Variants in RORA observed in about 807,000 individuals in gnomAD.
The protein encoded by RORA is RAR related orphan receptor A, also known as nuclear receptor ROR-alpha.
Under a neutral mutation model 69.5 loss-of-function variants are expected in RORA, and 7 were observed. The observed-to-expected ratio is 0.10, with a 90% CI of 0.06 to 0.19. The LOEUF is 0.19. Among genes scored for constraint, RORA ranks in the 10% least tolerant of loss-of-function variants. The probability of loss-of-function intolerance (pLI) is 1.00; values close to 1 mark genes in which losing one functional copy is unlikely to be tolerated. For synonymous variants in RORA, 261 were observed against 240.8 expected, an observed-to-expected ratio of 1.08 and a Z score of -0.78; for missense variants, 457 against 663.0, an observed-to-expected ratio of 0.69 and a Z score of 3.41.
chr15:60,826,741 C>CTG (rs2072964670), intron 1 of RORA, among the ~76,000 whole-genome samples: 1 of 30,146 alleles, frequency 3.3e-5, no homozygotes, highest in Non-Finnish European at 8.5e-5. Context: ...ATTCTACCTG[C>CTG]TCTCTCTCTC....
At chr15:60,589,345 G>A (rs1470585840) in intron 2 of RORA, among the ~76,000 whole-genome samples, 1 of 152,184 alleles carries the variant, frequency 6.6e-6, no homozygotes, top group Non-Finnish European at 1.5e-5. Flanking sequence ...AAGAATCTAC[G>A]GGCCAGAAAT....
chr15:60,902,021 G>A (rs1002708231), intron 1 of RORA, among the ~76,000 whole-genome samples: 1 of 152,170 alleles, frequency 6.6e-6, no homozygotes, highest in Admixed American at 6.5e-5. Flanking sequence ...TGGGAACCCG[G>A]AGGCTAATTA....
At chr15:60,530,787 A>C (rs1188866889) in intron 3 of RORA, 1 of 152,172 alleles carries the variant, frequency 6.6e-6, no homozygotes, top group Non-Finnish European at 1.5e-5. Flanking sequence ...TTTTTGCCTC[A>C]GCCTCAAAAA....
At chr15:60,564,530 G>A (rs966408827) in intron 2 of RORA, among the ~76,000 whole-genome samples, 1 of 152,086 alleles carries the variant, frequency 6.6e-6, no homozygotes, top group African/African-American at 2.4e-5. Context: ...TAGGGATAGG[G>A]GTAAACTGAG....
At chr15:61,186,639 T>C (rs1187885283) in intron 1 of RORA, among the ~76,000 whole-genome samples, 2 of 10,960 alleles carry the variant, frequency 1.8e-4, no homozygotes, top group African/African-American at 4.4e-4. Flanking sequence ...AGACCCTGAC[T>C]CAAAAAAAAA....
intron 1 of RORA, among the ~76,000 whole-genome samples, chr15:61,107,003 T>C (rs964965640): frequency 6.6e-6 from 1 of 152,166 alleles, no homozygotes; most frequent in Non-Finnish European, 1.5e-5. Flanking sequence ...CCTCTCCTCC[T>C]ACACACATCA....
At chr15:60,790,337 A>G (rs2072397414) in intron 1 of RORA, among the ~76,000 whole-genome samples, 1 of 152,220 alleles carries the variant, frequency 6.6e-6, no homozygotes. Flanking sequence ...CGAAGACTAC[A>G]CTTTGAGAAA....
chr15:60,872,000 G>A (rs1902618), intron 1 of RORA, among the ~76,000 whole-genome samples: 113,931 of 152,120 alleles, frequency 0.75, 43,097 homozygotes, highest in East Asian at 0.85. Context: ...TGCAAATCTA[G>A]AAGTATTCCA....
chr15:61,141,581 T>C (rs2079298967), intron 1 of RORA, among the ~76,000 whole-genome samples: 1 of 152,170 alleles, frequency 6.6e-6, no homozygotes, highest in Non-Finnish European at 1.5e-5. Flanking sequence ...TCAGAAAGAC[T>C]TTAGAAAAGG....
At chr15:60,917,405 C>G (rs531945680) in intron 1 of RORA, among the ~76,000 whole-genome samples, 2 of 152,222 alleles carry the variant, frequency 1.3e-5, no homozygotes, top group East Asian at 3.9e-4. Context: ...AGGTGCAGCC[C>G]TTATGTAAGG....
chr15:60,714,511 C>T (rs1296985355), intron 1 of RORA, among the ~76,000 whole-genome samples: 3 of 151,756 alleles, frequency 2.0e-5, no homozygotes, highest in Non-Finnish European at 4.4e-5. Context: ...ATTACAGGCA[C>T]CTGCCAACAC....
intron 2 of RORA, among the ~76,000 whole-genome samples, chr15:60,577,644 C>CAAAAAAAAAA (rs34467661): frequency 9.5e-6 from 1 of 104,784 alleles, no homozygotes; most frequent in Non-Finnish European, 2.0e-5. Flanking sequence ...ACTCTGTTTC[C>CAAAAAAAAAA]AAAAAAAAAA....
intron 1 of RORA, among the ~76,000 whole-genome samples, chr15:60,781,407 G>T (rs1390352847): frequency 6.6e-6 from 1 of 152,180 alleles, no homozygotes; most frequent in Non-Finnish European, 1.5e-5. Flanking sequence ...TTTGGTACCT[G>T]AGAGTCATTC....
At chr15:60,532,748 G>C (rs1035570410) in intron 2 of RORA, among the ~76,000 whole-genome samples, 1 of 152,166 alleles carries the variant, frequency 6.6e-6, no homozygotes, top group African/African-American at 2.4e-5. Context: ...GTGAAATAAA[G>C]ACCAATGCTG....
intron 2 of RORA, 81 bp downstream of exon 2, chr15:60,678,576 C>A: frequency 9.4e-7 from 1 of 1,060,812 alleles, no homozygotes; most frequent in Non-Finnish European, 1.5e-6. Flanking sequence ...TTAGTATATA[C>A]TTGAAGGGTC....
chr15:60,961,479 AC>A lies in RORA; in HGVS notation c.166+267573del, dbSNP rs1268166715. On this transcript the variant is annotated intron_variant, in intron 1 of 10. Coordinates refer to ENST00000335670, the MANE Select transcript of RORA (RefSeq NM_134261.3). ...GAAAATGTTTATCACCCATTGATAT[AC>A]GTGACAGAGACTTAAAAGTCAAGTG... 4.6e-5 allele frequency among the ~76,000 whole-genome samples: 7 copies of A among 152,374 alleles called. No homozygotes were observed. The South Asian group carries it at 1.4e-3, about 32-fold the overall frequency.
intron 1 of RORA, among the ~76,000 whole-genome samples, chr15:60,871,471 G>A (rs1452654563): frequency 1.3e-5 from 2 of 152,160 alleles, no homozygotes; most frequent in African/African-American, 4.8e-5. Context: ...TGTGTTTCAA[G>A]GGCCATGGCC....
At chr15:61,021,305 T>C (rs903007542) in intron 1 of RORA, among the ~76,000 whole-genome samples, 1 of 152,200 alleles carries the variant, frequency 6.6e-6, no homozygotes, top group Non-Finnish European at 1.5e-5. Context: ...TGAATGACTA[T>C]GAGTAACCAA....
At chr15:60,709,316 C>A (rs1204244574) in intron 1 of RORA, among the ~76,000 whole-genome samples, 1 of 152,142 alleles carries the variant, frequency 6.6e-6, no homozygotes, top group East Asian at 1.9e-4. Context: ...CTCTGAGAAA[C>A]CATTAGCATT....
Sources: allele counts gnomAD v4.1 joint callset (sites outside exome capture counted in the v4.1 genomes callset), GRCh38; gene constraint gnomAD v4.1.1; transcripts MANE v1.5; gene names NCBI Gene and HGNC (gene_info 2026-07-23, HGNC 2026-07-21).